Variants in NUP188 observed in about 807,000 individuals in gnomAD.
NUP188 encodes the protein nucleoporin NUP188.
NUP188 carries 97 observed loss-of-function variants against 223.0 expected under a neutral mutation model. That is an observed-to-expected ratio of 0.43 (90% confidence interval 0.37 to 0.51). The LOEUF (loss-of-function observed/expected upper bound fraction) is 0.51. Among genes scored for constraint, NUP188 ranks in the 20% least tolerant of loss-of-function variants. The pLI, the probability that NUP188 is intolerant of heterozygous loss-of-function variation, is 0.00. For missense variants in NUP188, 1,947 were observed against 2,175.6 expected, an observed-to-expected ratio of 0.89 and a Z score of 2.09; for synonymous variants, 869 against 828.0, an observed-to-expected ratio of 1.05 and a Z score of -0.85.
chr9:129,006,904 C>G lies in NUP188; in HGVS notation c.*226C>G. ...CGAGTCTTCTGTGCTCAGGTCCTCA[C>G]GCTGCAGACGCCCCCTAGAGGAACT... is the stretch of plus-strand genomic sequence containing the variant. On this transcript the variant is annotated 3_prime_UTR_variant, in exon 44 of 44. Transcript: ENST00000372577. The G allele has an allele frequency of 2.3e-6, 1 of 431,364 alleles. No homozygotes were observed. The highest frequency in any genetic ancestry group is 4.1e-6 in the Non-Finnish European group (1 of 244,572). The allele number at this position is 431,364 out of a possible 1,614,324, so 26.7% of individuals were successfully genotyped here.
rs1842366744 is a variant in NUP188, at chr9:128,988,259, C to A, written c.2533+73C>A. On this transcript the variant is annotated intron_variant, in intron 24 of 43. Coordinates refer to ENST00000372577, the MANE Select transcript of NUP188 (RefSeq NM_015354.3). ...GTCATTTTTGCTCATAAATACGTAT[C>A]TTAGGCAGTGTTTTTGGATGTCAAC... 5.2e-6 allele frequency: 8 copies of A among 1,527,684 alleles called. No individual in the cohort carries two copies. The South Asian group carries it at 8.4e-5, about 16-fold the overall frequency. The allele number at this position is 1,527,684 out of a possible 1,614,324, so 94.6% of individuals were successfully genotyped here. A position where few individuals can be genotyped will look rare whatever the true frequency, so the allele number is the denominator to read the frequency against.
intron 2 of NUP188, among the ~76,000 whole-genome samples, chr9:128,952,438 T>G (rs1022050072): frequency 1.1e-4 from 16 of 150,482 alleles, no homozygotes; most frequent in African/African-American, 3.2e-4. Flanking sequence ...AAACTGCATT[T>G]GCGGTCGGGT....
intron 12 of NUP188, among the ~76,000 whole-genome samples, chr9:128,977,665 G>C (rs931097397): frequency 6.6e-6 from 1 of 152,058 alleles, no homozygotes; most frequent in Non-Finnish European, 1.5e-5. Flanking sequence ...TGGGCGTGGT[G>C]GTGGGCACCT....
rs775850317 is a variant in NUP188 at position 128,973,257 on chromosome 9, T to C, written c.1203+8T>C. ...ACCCTGGGCAATCAGCAGGTCAGTG[T>C]CTGGCTTTCATGAAGCTGTCTCTAC... On this transcript the variant is annotated splice_region_variant and intron_variant, in intron 12 of 43. Transcript: ENST00000372577. 8.7e-6 allele frequency: 14 copies of C among 1,610,214 alleles called. No individual in the cohort carries two copies. The East Asian group carries it at 2.7e-4, about 31-fold the overall frequency.
chr9:129,005,682 T>C lies in NUP188; in HGVS notation c.4775T>C (p.Leu1592Pro). ...DLAEYNFLFA[L>P]SFTTPTFDSE... ...GCTGAATACAACTTCCTGTTTGCCC[T>C]GAGCTTTACCACTCCCACCTTTGAC... The change falls in exon 41 of 44, where the codon CTG (leucine) becomes CCG (proline). Residue 1592 changes from leucine to proline, a missense_variant. Transcript: ENST00000372577. 6.2e-7 allele frequency: 1 copy of C among 1,614,120 alleles called. No individual in the cohort carries two copies. The highest frequency in any genetic ancestry group is 8.5e-7 in the Non-Finnish European group (1 of 1,179,986).
Position 128,982,716 on chromosome 9 carries a change from C to T in NUP188, c.1669+15C>T, listed in dbSNP as rs142277985. ...TTCAACTGCAGGTAAGGTCAGCTTTCGGAAACATCACCTACGAGGAGGAAA... is the reference window on the plus strand; with the variant it reads ...TTCAACTGCAGGTAAGGTCAGCTTTTGGAAACATCACCTACGAGGAGGAAA... On this transcript the variant is annotated intron_variant, in intron 16 of 43. Coordinates refer to ENST00000372577, the MANE Select transcript of NUP188 (RefSeq NM_015354.3). The T allele has an allele frequency of 8.8e-5, 142 of 1,612,544 alleles. No individual in the cohort carries two copies. The East Asian group carries it at 2.4e-3, about 27-fold the overall frequency.
intron 2 of NUP188, among the ~76,000 whole-genome samples, chr9:128,951,862 G>A (rs772270249): frequency 4.4e-4 from 66 of 149,588 alleles, no homozygotes; most frequent in Non-Finnish European, 8.6e-4. Context: ...GTGCAATCTC[G>A]GCTCACCACA....
At chr9:128,947,943 C>G (rs1247883874) in intron 1 of NUP188, 192 bp downstream of exon 1, 1 of 420,330 alleles carries the variant, frequency 2.4e-6, no homozygotes, top group African/African-American at 2.1e-5. Context: ...GAGTCTTCTT[C>G]AGGAGGGGGG....
chr9:128,972,854 C>T (rs1255393320), intron 11 of NUP188, among the ~76,000 whole-genome samples: 3 of 152,134 alleles, frequency 2.0e-5, no homozygotes, highest in Non-Finnish European at 2.9e-5. Flanking sequence ...TATCAATTCC[C>T]ATTACCACAT....
At chr9:128,972,232 T>G (rs1240725362) in intron 11 of NUP188, among the ~76,000 whole-genome samples, 1 of 152,242 alleles carries the variant, frequency 6.6e-6, no homozygotes, top group Non-Finnish European at 1.5e-5. Flanking sequence ...ACTAAACTGT[T>G]GTACATCTAG....
Position 128,969,450 on chromosome 9 carries a change from A to C in NUP188, c.848A>C (p.His283Pro). ...GAGGGCATGGATATCGAGTCCTTGCATAAGTGTGCTTTGGATGACAGAAGA... is the reference window on the plus strand; with the variant it reads ...GAGGGCATGGATATCGAGTCCTTGCCTAAGTGTGCTTTGGATGACAGAAGA... The part of the protein sequence containing the change: ...LVEGMDIESL[H>P]KCALDDRREL... The change falls in exon 10 of 44, where the codon CAT (histidine) becomes CCT (proline). Residue 283 changes from histidine (H) to proline (P), a missense_variant. Physicochemically the swap from His to Pro is moderately conservative, Grantham distance 77. This residue lies in a region of NUP188 where 817 missense variants were observed against 865.8 expected (regional missense o/e 0.94). Coordinates refer to ENST00000372577, the MANE Select transcript of NUP188 (RefSeq NM_015354.3). 6.2e-7 allele frequency: 1 copy of C among 1,607,726 alleles called. No homozygotes were observed. Among genetic ancestry groups the C allele is most frequent in the East Asian group, 2.2e-5 (1 of 44,538 alleles).
In NUP188 at chr9:128,969,466, T is replaced by C. The variant is rs1564554777; in HGVS notation, c.864T>C (p.Asp288=). Residue 288 remains aspartate (D), a synonymous_variant, in exon 10 of 44, where the codon GAT becomes GAC. Coordinates refer to ENST00000372577, the MANE Select transcript of NUP188 (RefSeq NM_015354.3). ...AGTCCTTGCATAAGTGTGCTTTGGA[T>C]GACAGAAGAGAACTGCATCAGTTTG... ...DIESLHKCAL[D]DRRELHQFAQ... The C allele has an allele frequency of 6.2e-7, 1 of 1,602,096 alleles. No homozygotes were observed. Among genetic ancestry groups the C allele is most frequent in the Admixed American group, 1.8e-5 (1 of 56,556 alleles).
At chr9:128,954,547 G>C (rs1841842230) in intron 3 of NUP188, among the ~76,000 whole-genome samples, 1 of 152,016 alleles carries the variant, frequency 6.6e-6, no homozygotes, top group South Asian at 2.1e-4. Context: ...ACCACGCCTG[G>C]CTAATTTTTT....
intron 22 of NUP188, among the ~76,000 whole-genome samples, chr9:128,987,114 T>A (rs1292972212): frequency 6.6e-6 from 1 of 151,602 alleles, no homozygotes; most frequent in African/African-American, 2.4e-5. Flanking sequence ...TGTGTGTGTG[T>A]GTGTGTGTGT....
chr9:129,000,809 C>T (rs570785256), intron 34 of NUP188, among the ~76,000 whole-genome samples: 23 of 151,508 alleles, frequency 1.5e-4, no homozygotes, highest in East Asian at 6.0e-4. Context: ...GAGGCCGAGG[C>T]GGGCAGATCA....
chr9:128,999,949 C>T, intron 34 of NUP188, 144 bp downstream of exon 34: 4 of 733,066 alleles, frequency 5.5e-6, no homozygotes, highest in Non-Finnish European at 6.7e-6. Context: ...ATAGATCAGA[C>T]ACTGCAGAAA....
chr9:128,997,983 T>G (rs965841912), intron 30 of NUP188, among the ~76,000 whole-genome samples, 168 bp from the exon 31 acceptor site: 1 of 152,034 alleles, frequency 6.6e-6, no homozygotes, highest in Non-Finnish European at 1.5e-5. Flanking sequence ...CCTCCCAAAG[T>G]GTTAGGATTA....
chr9:128,973,465 G>A (rs895780124), intron 12 of NUP188, among the ~76,000 whole-genome samples: 2 of 151,680 alleles, frequency 1.3e-5, no homozygotes, highest in African/African-American at 2.4e-5. Flanking sequence ...TCACTGCAGC[G>A]TCCGCCTCCT....
At chr9:128,987,088 A>AGAGAGAGTGTGTGTGTGT (rs1450678206) in intron 22 of NUP188, among the ~76,000 whole-genome samples, 1 of 113,262 alleles carries the variant, frequency 8.8e-6, no homozygotes, top group Non-Finnish European at 1.8e-5. Flanking sequence ...AGAGAGAGAG[A>AGAGAGAGTGTGTGTGTGT]GTGTGTGTGT....
Sources: allele counts gnomAD v4.1 joint callset (sites outside exome capture counted in the v4.1 genomes callset), GRCh38; gene constraint gnomAD v4.1.1; regional missense constraint gnomAD v4.1.1; transcripts MANE v1.5; gene names NCBI Gene and HGNC (gene_info 2026-07-23, HGNC 2026-07-21).